PLEKHA4: variants seen among roughly 807,000 people sequenced by gnomAD.
The protein encoded by PLEKHA4 is pleckstrin homology domain containing A4, also known as pleckstrin homology domain-containing family A member 4.
A neutral mutation model predicts 94.7 loss-of-function variants in PLEKHA4; 73 were observed. The ratio of observed to expected loss-of-function variants is 0.77; its 90% CI spans 0.64 to 0.94. The LOEUF is 0.94. Ranked by LOEUF, PLEKHA4 falls within the 40% of genes least tolerant of loss-of-function variation. The pLI, the probability that PLEKHA4 is intolerant of heterozygous loss-of-function variation, is 0.00. For synonymous variants in PLEKHA4, 449 were observed against 437.1 expected (o/e 1.03, Z -0.34); for missense variants, 1,049 against 1,054.1 (o/e 1.00, Z 0.07).
chr19:48,856,211 G>T (rs2036400268), intron 9 of PLEKHA4, among the ~76,000 whole-genome samples: 1 of 138,808 alleles, frequency 7.2e-6, no homozygotes, highest in East Asian at 2.2e-4. Context: ...AGGAAAGAAA[G>T]AAAGAGAGAG....
chr19:48,855,346 G>A (rs759242185), intron 9 of PLEKHA4, among the ~76,000 whole-genome samples: 2 of 152,274 alleles, frequency 1.3e-5, no homozygotes, highest in East Asian at 1.9e-4. Flanking sequence ...GCTCATGCCT[G>A]TAATCCCAAC....
At position 48,837,172 on chromosome 19, in the gene PLEKHA4, C is replaced by T; in HGVS notation, c.*117G>A. ...CTTTGGCCATAGAAACCATTCCCCTCCCGGGCCCGCAATGGGGACCAGACC... is the reference window on the plus strand; with the variant it reads ...CTTTGGCCATAGAAACCATTCCCCTTCCGGGCCCGCAATGGGGACCAGACC... On this transcript the variant is annotated 3_prime_UTR_variant, in exon 20 of 20. Coordinates refer to ENST00000263265, the MANE Select transcript of PLEKHA4 (RefSeq NM_020904.3). This position sits in a 1 kb window ranked among gnomAD's most constrained non-coding sequence, Gnocchi z 4.3. The T allele has an allele frequency of 1.4e-6, 2 of 1,467,428 alleles. No individual in the cohort carries two copies. The highest frequency in any genetic ancestry group is 9.4e-7 in the Non-Finnish European group (1 of 1,060,096). The allele number at this position is 1,467,428 out of a possible 1,614,324, so 90.9% of individuals were successfully genotyped here.
At chr19:48,839,348 G>A (rs2035666873) in intron 17 of PLEKHA4, 85 bp from the exon 18 acceptor site, 4 of 922,956 alleles carry the variant, frequency 4.3e-6, no homozygotes, top group Non-Finnish European at 6.4e-6. Flanking sequence ...GGCTCCAAAA[G>A]AGAATGAAAT....
chr19:48,865,505 G>C lies in PLEKHA4; in HGVS notation c.190C>G (p.Gln64Glu), dbSNP rs1425841443. ...PVHIRGWLHK[Q>E]DSSGLRLWKR... ...TTTCCTTCTCCTACTGACCCCACCT[G>C]CTTATGAAGCCAGCCTCGGATGTGC... is the stretch of plus-strand genomic sequence containing the variant. The change falls in exon 3 of 20, where the codon CAG becomes GAG. Residue 64 changes from glutamine to glutamate, a missense_variant and splice_region_variant. Gln to Glu is a conservative substitution (Grantham distance 29). Coordinates refer to ENST00000263265, the MANE Select transcript of PLEKHA4 (RefSeq NM_020904.3). 2 of 1,613,014 alleles carry C rather than the reference G, an allele frequency of 1.2e-6. No homozygotes were observed. Among genetic ancestry groups the C allele is most frequent in the Non-Finnish European group, 1.7e-6 (2 of 1,179,188 alleles).
At chr19:48,843,490 T>A (rs1302562605) in intron 16 of PLEKHA4, among the ~76,000 whole-genome samples, 1 of 151,748 alleles carries the variant, frequency 6.6e-6, no homozygotes, top group Non-Finnish European at 1.5e-5. Flanking sequence ...TTTTTCTTTT[T>A]TTTTTTTAAA....
chr19:48,852,330 A>G lies in PLEKHA4; in HGVS notation c.1327-4T>C. The G allele has an allele frequency of 6.2e-7, 1 of 1,612,622 alleles. No homozygotes were observed. Among genetic ancestry groups the G allele is most frequent in the Non-Finnish European group, 8.5e-7 (1 of 1,178,742 alleles). ...TGTCCCAAACCCTCTCTCGCTCCTC[A>G]GGTTGCATAAAGGGGGAGACATAGG... On this transcript the variant is annotated splice_polypyrimidine_tract_variant and splice_region_variant and intron_variant, in intron 12 of 19. Coordinates refer to ENST00000263265, the MANE Select transcript of PLEKHA4 (RefSeq NM_020904.3).
chr19:48,867,689 C>G lies in PLEKHA4; in HGVS notation c.-6-63G>C. On this transcript the variant is annotated intron_variant, in intron 1 of 19. Coordinates refer to ENST00000263265, the MANE Select transcript of PLEKHA4 (RefSeq NM_020904.3). The surrounding 1 kb of genome is among the most constrained non-coding windows in gnomAD (Gnocchi z 4.7). ...GACGGGTGTGAGACAGAGATGGGGT[C>G]AGGGGCTTGGAGGTCGGAGGAGGCT... is the stretch of plus-strand genomic sequence containing the variant. The G allele has an allele frequency of 6.8e-7, 1 of 1,476,156 alleles. No individual in the cohort carries two copies. Among genetic ancestry groups the G allele is most frequent in the Non-Finnish European group, 9.2e-7 (1 of 1,083,866 alleles). The allele number at this position is 1,476,156 out of a possible 1,614,324, so 91.4% of individuals were successfully genotyped here.
intron 9 of PLEKHA4, among the ~76,000 whole-genome samples, chr19:48,855,802 A>AT (rs35586934): frequency 0.014 from 2,042 of 150,744 alleles, 15 homozygotes; most frequent in South Asian, 0.028. Flanking sequence ...AAAATAAATA[A>AT]TTTTTTTTAA....
chr19:48,860,314 T>A, intron 6 of PLEKHA4, 36 bp downstream of exon 6: 1 of 1,551,902 alleles, frequency 6.4e-7, no homozygotes, highest in South Asian at 1.1e-5. Context: ...TGACTCAGGG[T>A]GGAGGGTCAG....
At chr19:48,860,313 G>T (rs771855701) in intron 6 of PLEKHA4, 37 bp downstream of exon 6, 2 of 1,549,604 alleles carry the variant, frequency 1.3e-6, no homozygotes, top group African/African-American at 1.4e-5. Context: ...CTGACTCAGG[G>T]TGGAGGGTCA....
Position 48,837,948 on chromosome 19 carries a change from A to G in PLEKHA4, c.2077+69T>C, listed in dbSNP as rs2035601530. The G allele has an allele frequency of 1.5e-6, 2 of 1,307,666 alleles. No individual in the cohort carries two copies. Among genetic ancestry groups the G allele is most frequent in the African/African-American group, 2.9e-5 (2 of 67,840 alleles). 81.0% of individuals were successfully genotyped at this position (1,307,666 alleles called of 1,614,324 possible). ...GGCCCCCAGACCCCTCCTCTCCAGGACCTGGGATTCCAGGTCTCCAGCTCT... is the reference window on the plus strand; with the variant it reads ...GGCCCCCAGACCCCTCCTCTCCAGGGCCTGGGATTCCAGGTCTCCAGCTCT... On this transcript the variant is annotated intron_variant, in intron 19 of 19. Coordinates refer to ENST00000263265, the MANE Select transcript of PLEKHA4 (RefSeq NM_020904.3). The surrounding 1 kb of genome is among the most constrained non-coding windows in gnomAD (Gnocchi z 4.3).
rs761249898 is a variant in PLEKHA4, at chr19:48,857,464, G to A, written c.1005C>T (p.Leu335=). The A allele has an allele frequency of 1.3e-6, 2 of 1,568,976 alleles. No individual in the cohort carries two copies. The highest frequency in any genetic ancestry group is 1.2e-5 in the South Asian group (1 of 84,664). The stretch of plus-strand genomic sequence containing the variant: ...CCCGGGTCCCAGGGGGCCGCGGGGG[G>A]AGCTGGAGATAAGTGGGGGAGCCAG... ...AHSGSPTYLQ[L]PPRPPGTRAS... The change falls in exon 9 of 20, where the codon CTC becomes CTT. Residue 335 remains leucine, a synonymous_variant. Transcript: ENST00000263265.
In PLEKHA4 at chr19:48,845,464, G is replaced by A; in HGVS notation, c.1667-18C>T. The A allele has an allele frequency of 6.2e-7, 1 of 1,613,920 alleles. No homozygotes were observed. The stretch of plus-strand genomic sequence containing the variant: ...CCCAAGACCTGGAAAGACAGAACGG[G>A]ACTTGGTGAGGACGGGAATTTCCGT... On this transcript the variant is annotated intron_variant, in intron 15 of 19. Transcript: ENST00000263265.
At chr19:48,865,800 G>A (rs1040173668) in intron 2 of PLEKHA4, among the ~76,000 whole-genome samples, 190 bp from the exon 3 acceptor site, 9 of 152,020 alleles carry the variant, frequency 5.9e-5, no homozygotes, top group African/African-American at 1.2e-4. Flanking sequence ...GGATCACGAG[G>A]TCAGGAGATC....
At chr19:48,860,147 C>G (rs1197226560) in intron 6 of PLEKHA4, 20 of 592,500 alleles carry the variant, frequency 3.4e-5, no homozygotes, top group Non-Finnish European at 5.4e-5. Context: ...CGGGGACGGA[C>G]AAGGTGGTGG....
At chr19:48,849,140 A>G (rs527406464) in intron 13 of PLEKHA4, among the ~76,000 whole-genome samples, 75 of 152,196 alleles carry the variant, frequency 4.9e-4, no homozygotes, top group South Asian at 8.3e-4. Context: ...TCCTGGGCTC[A>G]GGTGATCCAC....
chr19:48,845,416 G>A lies in PLEKHA4; in HGVS notation c.1697C>T (p.Ser566Phe). The change falls in exon 16 of 20, where the codon TCC becomes TTC. Residue 566 changes from serine (S) to phenylalanine (F), a missense_variant. Transcript: ENST00000263265. ...GLGSPRVSRASSPEGRHLPSP... is the reference protein window; with the variant it reads ...GLGSPRVSRAFSPEGRHLPSP... Reference sequence around the variant, plus strand: ...AGGGAGGTGGCGACCCTCAGGGCTGGAAGCCCGGGAGACCCTCGGAGACCC... The same window carrying A: ...AGGGAGGTGGCGACCCTCAGGGCTGAAAGCCCGGGAGACCCTCGGAGACCC... 1 of 1,613,790 alleles carries A rather than the reference G, an allele frequency of 6.2e-7. No homozygotes were observed.
intron 5 of PLEKHA4, among the ~76,000 whole-genome samples, chr19:48,860,775 A>G (rs564718179): frequency 6.6e-6 from 1 of 151,684 alleles, no homozygotes; most frequent in South Asian, 2.1e-4. Flanking sequence ...CCGTCAAGAA[A>G]GAAAGGAAAG....
rs1311593058 is a variant in PLEKHA4, at chr19:48,859,152, G to A, written c.693-13C>T. Reference sequence around the variant, plus strand: ...GGGGGTGAACAGGCTGTGGGAAGGAGAGAATCGGGGAACTGAGTCAACTAG... The same window carrying A: ...GGGGGTGAACAGGCTGTGGGAAGGAAAGAATCGGGGAACTGAGTCAACTAG... On this transcript the variant is annotated splice_polypyrimidine_tract_variant and intron_variant, in intron 7 of 19. Transcript: ENST00000263265. 1.3e-6 allele frequency: 2 copies of A among 1,517,660 alleles called. No individual in the cohort carries two copies. The highest frequency in any genetic ancestry group is 1.2e-5 in the South Asian group (1 of 82,994). The allele number at this position is 1,517,660 out of a possible 1,614,324, so 94.0% of individuals were successfully genotyped here.
Sources: gnomAD v4.1 joint callset for allele counts (sites outside exome capture counted in the v4.1 genomes callset) on GRCh38, gnomAD v4.1.1 for gene constraint, Gnocchi (gnomAD v3.1) non-coding constraint, MANE v1.5 for transcripts, NCBI Gene and HGNC (gene_info 2026-07-23, HGNC 2026-07-21) for gene names.